The following SGCZ variants were observed in gnomAD, a reference collection of about 807,000 sequenced individuals.
The protein encoded by SGCZ is zeta-sarcoglycan.
SGCZ carries 40 observed loss-of-function variants against 41.3 expected under a neutral mutation model. That is an observed-to-expected ratio of 0.97 (90% CI 0.75 to 1.26). SGCZ has a LOEUF of 1.26. Among genes scored for constraint, SGCZ ranks in the 50% most tolerant of loss-of-function variants. The pLI, the probability that SGCZ is intolerant of heterozygous loss-of-function variation, is 0.00. For synonymous variants in SGCZ, 206 were observed against 137.5 expected (o/e 1.50, Z -3.49); for missense variants, 552 against 369.8 (o/e 1.49, Z -4.04).
rs1563183070 is a variant in SGCZ at position 14,656,546 on chromosome 8, C to T, written c.40-101620G>A. Among the ~76,000 whole-genome samples the T allele has an allele frequency of 6.5e-4, 87 of 133,794 alleles. 1 individual carries two copies. The highest frequency in any genetic ancestry group is 1.2e-3 in the Non-Finnish European group (71 of 59,418). 87.8% of individuals were successfully genotyped at this position (133,794 alleles called of 152,430 possible). A position where few individuals can be genotyped will look rare whatever the true frequency, so the allele number is the denominator to read the frequency against. ...CTTTTCTTTCTTTTTTCTTTCTTTC[C>T]CTTTCTTTTTCTTTCTTTTCCTTCC... On this transcript the variant is annotated intron_variant, in intron 1 of 7. Coordinates refer to ENST00000382080, the MANE Select transcript of SGCZ (RefSeq NM_139167.4).
At chr8:14,723,921 C>T (rs985803830) in intron 1 of SGCZ, among the ~76,000 whole-genome samples, 2 of 151,970 alleles carry the variant, frequency 1.3e-5, no homozygotes, top group African/African-American at 4.8e-5. Context: ...TAGCAACACA[C>T]AGGTCATTGA....
At chr8:15,030,079 T>C (rs756234178) in intron 1 of SGCZ, among the ~76,000 whole-genome samples, 40 of 152,232 alleles carry the variant, frequency 2.6e-4, no homozygotes, top group Non-Finnish European at 4.4e-4. Flanking sequence ...ATTGAGGAGA[T>C]GGACATGAAA....
At chr8:14,665,194 G>A (rs527244164) in intron 1 of SGCZ, among the ~76,000 whole-genome samples, 1 of 151,956 alleles carries the variant, frequency 6.6e-6, no homozygotes, top group Non-Finnish European at 1.5e-5. Context: ...CCCGGTGTGT[G>A]ATGTTCCACT....
intron 2 of SGCZ, among the ~76,000 whole-genome samples, chr8:14,407,034 A>G (rs1362618769): frequency 6.6e-6 from 1 of 151,472 alleles, no homozygotes; most frequent in Non-Finnish European, 1.5e-5. Context: ...ATGAATATAA[A>G]TAAGACAAAT....
chr8:15,112,508 A>G (rs557110704), intron 1 of SGCZ, among the ~76,000 whole-genome samples: 1 of 152,384 alleles, frequency 6.6e-6, no homozygotes, highest in Admixed American at 6.5e-5. Flanking sequence ...ACATAGAGAC[A>G]ACATCTCCTT....
At chr8:14,406,847 C>T (rs185089055) in intron 2 of SGCZ, among the ~76,000 whole-genome samples, 1 of 152,174 alleles carries the variant, frequency 6.6e-6, no homozygotes, top group East Asian at 1.9e-4. Context: ...AGATGCAGTT[C>T]TGTGAAAACT....
chr8:14,609,775 A>G lies in SGCZ; in HGVS notation c.40-54849T>C, dbSNP rs1003134762. Among the ~76,000 whole-genome samples the G allele has an allele frequency of 1.3e-5, 2 of 152,172 alleles. 1 individual carries two copies. The highest frequency in any genetic ancestry group is 3.9e-4 in the East Asian group (2 of 5,182). The stretch of plus-strand genomic sequence containing the variant: ...TTTCTAAAAGAGCAGTGGTTTGTAT[A>G]CATGTCTCATTTCTCTTTAAGTAGC... On this transcript the variant is annotated intron_variant, in intron 1 of 7. Transcript: ENST00000382080.
chr8:14,828,024 A>T (rs1185797736), intron 1 of SGCZ, among the ~76,000 whole-genome samples: 2 of 152,218 alleles, frequency 1.3e-5, no homozygotes, highest in African/African-American at 4.8e-5. Flanking sequence ...GTCTGACAGG[A>T]CCTCAACTGA....
chr8:14,373,794 C>T lies in SGCZ; in HGVS notation c.235-49590G>A, dbSNP rs149258121. Reference sequence around the variant, plus strand: ...TTACGGAAATCTTTCAAGACCTTTTCGTATGAATGATAGCAGAGAACTGGA... The same window carrying T: ...TTACGGAAATCTTTCAAGACCTTTTTGTATGAATGATAGCAGAGAACTGGA... On this transcript the variant is annotated intron_variant, in intron 2 of 7. Transcript: ENST00000382080. 2.3e-4 allele frequency among the ~76,000 whole-genome samples: 35 copies of T among 152,014 alleles called. No homozygotes were observed. In the East Asian group the frequency reaches 5.6e-3, roughly 25 times the overall value.
intron 2 of SGCZ, among the ~76,000 whole-genome samples, chr8:14,551,642 AT>A (rs1158233671): frequency 3.8e-5 from 2 of 52,102 alleles, no homozygotes; most frequent in Non-Finnish European, 6.9e-5. Context: ...TTATATATAT[AT>A]AAAATATATA....
At chr8:14,094,755 G>A (rs551727379) in intron 7 of SGCZ, among the ~76,000 whole-genome samples, 12 of 152,268 alleles carry the variant, frequency 7.9e-5, no homozygotes, top group African/African-American at 1.9e-4. Flanking sequence ...CCCACCAACA[G>A]TGTAAAAGCA....
At chr8:14,544,670 T>C (rs762160993) in intron 2 of SGCZ, among the ~76,000 whole-genome samples, 8 of 151,918 alleles carry the variant, frequency 5.3e-5, no homozygotes, top group Non-Finnish European at 1.0e-4. Flanking sequence ...CTTACTAGGG[T>C]GGGGAAAACT....
intron 3 of SGCZ, chr8:14,309,102 C>T: frequency 6.9e-7 from 1 of 1,456,038 alleles, no homozygotes; most frequent in Non-Finnish European, 9.6e-7. Flanking sequence ...CAGGAGGTTG[C>T]TAACCCAGAA....
At chr8:15,068,191 C>T (rs918340229) in intron 1 of SGCZ, among the ~76,000 whole-genome samples, 1 of 152,192 alleles carries the variant, frequency 6.6e-6, no homozygotes, top group African/African-American at 2.4e-5. Flanking sequence ...ATTAACTTCT[C>T]ATTCTAACGT....
Position 14,310,687 on chromosome 8 carries a change from G to C in SGCZ, c.336+13416C>G, listed in dbSNP as rs1801507747. Among the ~76,000 whole-genome samples the C allele has an allele frequency of 2.0e-5, 3 of 151,954 alleles. No homozygotes were observed. The South Asian group carries it at 6.2e-4, about 31-fold the overall frequency. On this transcript the variant is annotated intron_variant, in intron 3 of 7. Transcript: ENST00000382080. ...AATGTGTACAGTGAATTGTCTTTTAGGCAACTAGATTTGTCCTTTTATTCC... is the reference window on the plus strand; with the variant it reads ...AATGTGTACAGTGAATTGTCTTTTACGCAACTAGATTTGTCCTTTTATTCC...
chr8:14,933,175 G>A (rs1334296830), intron 1 of SGCZ, among the ~76,000 whole-genome samples: 1 of 151,836 alleles, frequency 6.6e-6, no homozygotes, highest in African/African-American at 2.4e-5. Context: ...TACAGCAAAC[G>A]TCAGAAACAC....
chr8:14,515,340 A>G (rs748036696), intron 2 of SGCZ, among the ~76,000 whole-genome samples: 3 of 152,134 alleles, frequency 2.0e-5, no homozygotes, highest in Non-Finnish European at 2.9e-5. Context: ...ACATTTATAG[A>G]AAAGCTATTT....
chr8:14,520,434 G>C (rs1430123562), intron 2 of SGCZ, among the ~76,000 whole-genome samples: 1 of 152,062 alleles, frequency 6.6e-6, no homozygotes, highest in Non-Finnish European at 1.5e-5. Context: ...ATTTAATTTG[G>C]ACAGAGTGTA....
At chr8:14,917,605 C>T (rs1190308349) in intron 1 of SGCZ, among the ~76,000 whole-genome samples, 1 of 151,912 alleles carries the variant, frequency 6.6e-6, no homozygotes, top group Non-Finnish European at 1.5e-5. Flanking sequence ...AGAAACTGAC[C>T]AACCAAACAC....
Sources: gnomAD v4.1 joint callset for allele counts (sites outside exome capture counted in the v4.1 genomes callset) on GRCh38, gnomAD v4.1.1 for gene constraint, MANE v1.5 for transcripts, NCBI Gene and HGNC (gene_info 2026-07-23, HGNC 2026-07-21) for gene names.